ESR1: variants seen among roughly 807,000 people sequenced by gnomAD.
ESR1 encodes estrogen receptor 1, also known as estrogen receptor.
A neutral mutation model predicts 52.7 loss-of-function variants in ESR1; 12 were observed. The observed-to-expected ratio is 0.23, with a 90% confidence interval of 0.15 to 0.37. The LOEUF is 0.37. Ranked by LOEUF, ESR1 falls within the 10% of genes least tolerant of loss-of-function variation. The pLI is 1.00. For synonymous variants in ESR1, 305 were observed against 316.8 expected (o/e 0.96, Z 0.39); for missense variants, 584 against 779.7 (o/e 0.75, Z 2.99).
At chr6:151,738,798 C>A (rs1399580268) in intron 2 of ESR1, among the ~76,000 whole-genome samples, 2 of 152,084 alleles carry the variant, frequency 1.3e-5, no homozygotes, top group East Asian at 3.8e-4. Flanking sequence ...AATTCAATGC[C>A]TGTAGTCAAA....
intron 3 of ESR1, among the ~76,000 whole-genome samples, chr6:151,928,505 A>G (rs1216503542): frequency 2.0e-5 from 3 of 152,088 alleles, no homozygotes; most frequent in Non-Finnish European, 2.9e-5. Context: ...ATGCATGCAT[A>G]TTACTTTTGC....
At chr6:152,046,116 G>T (rs2046210640) in intron 5 of ESR1, among the ~76,000 whole-genome samples, 1 of 152,168 alleles carries the variant, frequency 6.6e-6, no homozygotes, top group East Asian at 1.9e-4. Flanking sequence ...ACAGGACGTT[G>T]ATTCTGTTTT....
At chr6:152,072,248 C>A (rs1277117413) in intron 6 of ESR1, among the ~76,000 whole-genome samples, 1 of 152,164 alleles carries the variant, frequency 6.6e-6, no homozygotes, top group Non-Finnish European at 1.5e-5. Context: ...AGTTTTGTGA[C>A]CTGCACTGAC....
chr6:152,005,359 C>G (rs561787292), intron 4 of ESR1, among the ~76,000 whole-genome samples: 44 of 151,954 alleles, frequency 2.9e-4, no homozygotes, highest in African/African-American at 1.0e-3. Flanking sequence ...GTCCAGGATG[C>G]CTTTTTATCC....
At chr6:151,734,946 T>C (rs11155810) in intron 2 of ESR1, among the ~76,000 whole-genome samples, 73,579 of 151,882 alleles carry the variant, frequency 0.48, 19,300 homozygotes, top group Non-Finnish European at 0.58. Context: ...TTTAAAAAAA[T>C]GTGAAAACTG....
chr6:151,953,980 A>G (rs2036619302), intron 4 of ESR1, among the ~76,000 whole-genome samples: 1 of 152,108 alleles, frequency 6.6e-6, no homozygotes, highest in African/African-American at 2.4e-5. Context: ...TTTTGGCACA[A>G]TTATTACATC....
chr6:151,729,051 A>G (rs775104331), intron 2 of ESR1, among the ~76,000 whole-genome samples: 2 of 152,144 alleles, frequency 1.3e-5, no homozygotes, highest in Non-Finnish European at 2.9e-5. Flanking sequence ...AATGGATGGA[A>G]TGTTTATGTC....
At position 151,986,671 on chromosome 6, in the gene ESR1, T is replaced by C. The variant is rs2040513076; in HGVS notation, c.1097-24985T>C. Among the ~76,000 whole-genome samples, 4 of 152,126 alleles carry C rather than the reference T, an allele frequency of 2.6e-5. 1 individual carries two copies. Among genetic ancestry groups the C allele is most frequent in the African/African-American group, 4.8e-5 (2 of 41,406 alleles). On this transcript the variant is annotated intron_variant, in intron 4 of 7. Transcript: ENST00000206249. Reference sequence around the variant, plus strand: ...TAAATGAAAAAGTGTCAGGTCCCCTTTTCTGCCATATTCTCTTCTGTGTCT... The same window carrying C: ...TAAATGAAAAAGTGTCAGGTCCCCTCTTCTGCCATATTCTCTTCTGTGTCT...
intron 4 of ESR1, among the ~76,000 whole-genome samples, chr6:151,958,983 T>TGCGTGTGTGTGC (rs2037331620): frequency 6.6e-6 from 1 of 152,036 alleles, no homozygotes; most frequent in African/African-American, 2.4e-5. Flanking sequence ...CGTGTGTGTG[T>TGCGTGTGTGTGC]GTGTGTGTGT....
intron 6 of ESR1, among the ~76,000 whole-genome samples, chr6:152,079,038 C>T (rs2048978028): frequency 6.6e-6 from 1 of 152,220 alleles, no homozygotes; most frequent in Admixed American, 6.5e-5. Flanking sequence ...CTCTAGATTC[C>T]ACCTCTGGGG....
chr6:151,962,873 T>C (rs2037834599), intron 4 of ESR1, among the ~76,000 whole-genome samples: 1 of 152,220 alleles, frequency 6.6e-6, no homozygotes. Context: ...GCCTGTCCTG[T>C]TTTTAAATTC....
chr6:151,819,798 C>T (rs541257543), intron 1 of ESR1, among the ~76,000 whole-genome samples: 57 of 152,300 alleles, frequency 3.7e-4, no homozygotes, highest in African/African-American at 1.1e-3. Flanking sequence ...GAAAAATTGT[C>T]TTCCATGAAA....
chr6:151,797,984 T>G (rs2881766), intron 2 of ESR1, among the ~76,000 whole-genome samples: 53,011 of 152,018 alleles, frequency 0.35, 12,102 homozygotes, highest in African/African-American at 0.64. Context: ...ACTGCAGACT[T>G]AAATTAAGAC....
intron 1 of ESR1, among the ~76,000 whole-genome samples, chr6:151,679,130 CT>C (rs1778363668): frequency 6.6e-6 from 1 of 152,102 alleles, no homozygotes; most frequent in Non-Finnish European, 1.5e-5. Flanking sequence ...TATGAATTGC[CT>C]TTATTAAAAT....
At chr6:152,065,130 A>G (rs1383481525) in intron 6 of ESR1, among the ~76,000 whole-genome samples, 1 of 152,226 alleles carries the variant, frequency 6.6e-6, no homozygotes, top group Non-Finnish European at 1.5e-5. Flanking sequence ...AAGGCTTACA[A>G]TAAAAAAAAG....
chr6:151,870,439 A>C (rs1790738901), intron 2 of ESR1, among the ~76,000 whole-genome samples: 1 of 152,116 alleles, frequency 6.6e-6, no homozygotes, highest in Admixed American at 6.5e-5. Context: ...TTTAAAATAT[A>C]ACTTAATATT....
chr6:152,002,194 G>T (rs1444741806), intron 4 of ESR1, among the ~76,000 whole-genome samples: 2 of 149,562 alleles, frequency 1.3e-5, no homozygotes, highest in Admixed American at 1.3e-4. Context: ...AAGTGTGTGT[G>T]TGTGTGTGTG....
At chr6:151,941,800 G>A (rs2035099457) in intron 3 of ESR1, among the ~76,000 whole-genome samples, 1 of 152,128 alleles carries the variant, frequency 6.6e-6, no homozygotes, top group Admixed American at 6.6e-5. Context: ...CTTACATTGA[G>A]CTGTAACTAA....
intron 1 of ESR1, among the ~76,000 whole-genome samples, chr6:151,657,791 G>A (rs1306958729): frequency 6.6e-6 from 1 of 152,052 alleles, no homozygotes; most frequent in Non-Finnish European, 1.5e-5. Flanking sequence ...AATCAAGGTT[G>A]AACCACATGA....
Sources: gnomAD v4.1 joint callset for allele counts (sites outside exome capture counted in the v4.1 genomes callset) on GRCh38, gnomAD v4.1.1 for gene constraint, MANE v1.5 for transcripts, NCBI Gene and HGNC (gene_info 2026-07-23, HGNC 2026-07-21) for gene names.